Variants in IMPG1 observed in about 807,000 individuals in gnomAD.
The protein encoded by IMPG1 is interphotoreceptor matrix proteoglycan of 150 kDa.
A neutral mutation model predicts 92.0 loss-of-function variants in IMPG1; 85 were observed. The ratio of observed to expected loss-of-function variants is 0.92; its 90% CI spans 0.78 to 1.11. IMPG1 has a LOEUF of 1.11. IMPG1 is among the 50% of genes least tolerant of loss of function. The probability of loss-of-function intolerance (pLI) is 0.00; values close to 1 mark genes in which losing one functional copy is unlikely to be tolerated. For synonymous variants in IMPG1, 367 were observed against 334.1 expected, an observed-to-expected ratio of 1.10 and a Z score of -1.08; for missense variants, 1,022 against 956.0, an observed-to-expected ratio of 1.07 and a Z score of -0.91.
chr6:76,035,923 C>T (rs967969539), intron 2 of IMPG1, among the ~76,000 whole-genome samples: 1 of 152,108 alleles, frequency 6.6e-6, no homozygotes, highest in African/African-American at 2.4e-5. Flanking sequence ...TTGCTTTCAA[C>T]AAATTAAAAG....
At chr6:76,016,680 T>C (rs1443204354) in intron 7 of IMPG1, among the ~76,000 whole-genome samples, 6 of 152,242 alleles carry the variant, frequency 3.9e-5, no homozygotes, top group Non-Finnish European at 8.8e-5. Context: ...GTTTGTTCCC[T>C]GGCCATGCTG....
chr6:75,976,706 T>A (rs1782541379), intron 12 of IMPG1, among the ~76,000 whole-genome samples: 1 of 151,634 alleles, frequency 6.6e-6, no homozygotes, highest in Non-Finnish European at 1.5e-5. Flanking sequence ...GGTCAGGAGA[T>A]CAAGACCATC....
intron 12 of IMPG1, among the ~76,000 whole-genome samples, chr6:75,955,584 C>A (rs1040464683): frequency 6.6e-6 from 1 of 152,148 alleles, no homozygotes; most frequent in Non-Finnish European, 1.5e-5. Context: ...ATTTGAATAC[C>A]CTTTATTTTT....
chr6:76,045,043 C>T (rs1783913729), intron 1 of IMPG1, among the ~76,000 whole-genome samples: 2 of 152,170 alleles, frequency 1.3e-5, no homozygotes. Context: ...AGCAAGTACA[C>T]ACAGCTGGGG....
At chr6:76,015,603 C>G (rs1439715053) in intron 7 of IMPG1, among the ~76,000 whole-genome samples, 1 of 151,748 alleles carries the variant, frequency 6.6e-6, no homozygotes, top group African/African-American at 2.4e-5. Flanking sequence ...GAGTTCGAGA[C>G]CAGCTTGATC....
intron 7 of IMPG1, among the ~76,000 whole-genome samples, chr6:76,015,979 CA>C (rs1562370652): frequency 1.3e-5 from 2 of 152,184 alleles, no homozygotes; most frequent in South Asian, 4.1e-4. Context: ...CTTTGCCAGA[CA>C]ATAAAAGTGG....
intron 12 of IMPG1, among the ~76,000 whole-genome samples, chr6:75,957,717 G>T (rs1782152908): frequency 1.3e-5 from 2 of 152,158 alleles, no homozygotes; most frequent in Admixed American, 6.5e-5. Flanking sequence ...TCAGAGACTA[G>T]AATTGCAACC....
intron 1 of IMPG1, among the ~76,000 whole-genome samples, chr6:76,056,393 G>C (rs2127596930): frequency 6.6e-6 from 1 of 152,150 alleles, no homozygotes; most frequent in Middle Eastern, 3.4e-3. Context: ...AGCAAAAAAA[G>C]CTAAAATAAG....
At chr6:76,067,207 T>C (rs1352334470) in intron 1 of IMPG1, among the ~76,000 whole-genome samples, 1 of 148,724 alleles carries the variant, frequency 6.7e-6, no homozygotes, top group Non-Finnish European at 1.5e-5. Context: ...CTAAATGAAA[T>C]GGAGACTAAA....
intron 1 of IMPG1, among the ~76,000 whole-genome samples, chr6:76,054,245 G>A (rs1027805661): frequency 2.6e-5 from 4 of 152,044 alleles, no homozygotes; most frequent in Non-Finnish European, 5.9e-5. Flanking sequence ...AGAGAGCCTG[G>A]CACATTGTTA....
Position 76,041,996 on chromosome 6 carries a change from A to T in IMPG1, c.198T>A (p.His66Gln), listed in dbSNP as rs1783851781. The T allele has an allele frequency of 1.2e-6, 2 of 1,613,778 alleles. No homozygotes were observed. Among genetic ancestry groups the T allele is most frequent in the African/African-American group, 2.7e-5 (2 of 74,914 alleles). Reference protein sequence around the residue: ...TMRRIFDLAKHRTKRSAFFPT... With the variant: ...TMRRIFDLAKQRTKRSAFFPT... ...GGAAAAATGCGGATCTTTTTGTTCG[A>T]TGCTTTGCCAAATCGAATATTCGTC... Residue 66 changes from histidine to glutamine, a missense_variant, in exon 2 of 17, where the codon CAT (histidine) becomes CAA (glutamine). By Grantham distance (24) the His-to-Gln change is conservative. This residue lies in a region of IMPG1 where 681 missense variants were observed against 583.6 expected (regional missense o/e 1.17). Coordinates refer to ENST00000369950, the MANE Select transcript of IMPG1 (RefSeq NM_001563.4).
intron 1 of IMPG1, among the ~76,000 whole-genome samples, chr6:76,069,714 G>C (rs1165816060): frequency 6.7e-6 from 1 of 148,966 alleles, no homozygotes; most frequent in African/African-American, 2.5e-5. Flanking sequence ...CAAAGACATG[G>C]AATCAACCTA....
intron 1 of IMPG1, among the ~76,000 whole-genome samples, chr6:76,042,469 A>G (rs1018843861): frequency 2.6e-5 from 4 of 152,090 alleles, no homozygotes; most frequent in Admixed American, 2.6e-4. Context: ...ATGATAGATA[A>G]TATAATTCAA....
At chr6:75,957,127 C>A (rs1413700360) in intron 12 of IMPG1, among the ~76,000 whole-genome samples, 1 of 152,100 alleles carries the variant, frequency 6.6e-6, no homozygotes, top group Non-Finnish European at 1.5e-5. Flanking sequence ...ACCATCTTGG[C>A]CTGACTGGTC....
intron 7 of IMPG1, among the ~76,000 whole-genome samples, chr6:76,014,019 A>G (rs1318623713): frequency 6.6e-6 from 1 of 152,196 alleles, no homozygotes; most frequent in Non-Finnish European, 1.5e-5. Flanking sequence ...CTTTTGGGTG[A>G]TCCGGAGCTC....
chr6:75,987,707 C>A (rs1229075863), intron 12 of IMPG1, among the ~76,000 whole-genome samples: 1 of 150,140 alleles, frequency 6.7e-6, no homozygotes, highest in East Asian at 2.0e-4. Context: ...TGCAGTGGTG[C>A]GATCTCCGCT....
intron 12 of IMPG1, among the ~76,000 whole-genome samples, chr6:75,959,392 T>C (rs1450032947): frequency 6.6e-6 from 1 of 152,200 alleles, no homozygotes; most frequent in Non-Finnish European, 1.5e-5. Context: ...AGAGCTCAAG[T>C]GCTGTACTGG....
intron 1 of IMPG1, among the ~76,000 whole-genome samples, chr6:76,053,662 A>G (rs1236481393): frequency 6.6e-6 from 1 of 152,040 alleles, no homozygotes; most frequent in East Asian, 1.9e-4. Flanking sequence ...ATATTTGGGG[A>G]CAAAATTTGT....
intron 12 of IMPG1, among the ~76,000 whole-genome samples, chr6:75,981,702 T>C (rs1327876438): frequency 6.6e-6 from 1 of 152,224 alleles, no homozygotes; most frequent in Non-Finnish European, 1.5e-5. Context: ...ATTCTGTAAG[T>C]TGGTTCTGTA....
Sources: allele counts gnomAD v4.1 joint callset (sites outside exome capture counted in the v4.1 genomes callset), GRCh38; gene constraint gnomAD v4.1.1; regional missense constraint gnomAD v4.1.1; transcripts MANE v1.5; gene names NCBI Gene and HGNC (gene_info 2026-07-23, HGNC 2026-07-21).